OCA2: variants seen among roughly 807,000 people sequenced by gnomAD.
OCA2 encodes P protein.
A neutral mutation model predicts 100.2 loss-of-function variants in OCA2; 77 were observed. That is an observed-to-expected ratio of 0.77 (90% CI 0.64 to 0.93). OCA2 has a LOEUF of 0.93. Among genes scored for constraint, OCA2 ranks in the 40% least tolerant of loss-of-function variants. The pLI, the probability that OCA2 is intolerant of heterozygous loss-of-function variation, is 0.00. For missense variants in OCA2, 1,062 were observed against 1,089.1 expected, an observed-to-expected ratio of 0.98 and a Z score of 0.35; for synonymous variants, 432 against 439.2, an observed-to-expected ratio of 0.98 and a Z score of 0.21.
At chr15:28,020,165 C>T (rs955830345) in intron 6 of OCA2, among the ~76,000 whole-genome samples, 1 of 151,550 alleles carries the variant, frequency 6.6e-6, no homozygotes, top group Non-Finnish European at 1.5e-5. Flanking sequence ...GGCTGCCCTG[C>T]CCCCTGCTGG....
chr15:27,753,205 T>C (rs2030133127), downstream of OCA2, among the ~76,000 whole-genome samples: 1 of 151,798 alleles, frequency 6.6e-6, no homozygotes, highest in African/African-American at 2.4e-5. Context: ...AGTTTTGTTT[T>C]AGAGGGTAAC....
the OCA2 span, among the ~76,000 whole-genome samples, chr15:27,725,987 G>A: frequency 6.6e-6 from 1 of 151,690 alleles, no homozygotes; most frequent in South Asian, 2.1e-4. Flanking sequence ...TAAGATACTA[G>A]ATCATAACTA....
intron 23 of OCA2, among the ~76,000 whole-genome samples, chr15:27,811,596 G>A (rs1371927635): frequency 6.6e-6 from 1 of 152,056 alleles, no homozygotes; most frequent in African/African-American, 2.4e-5. Flanking sequence ...TTTTCAATTT[G>A]TAAGTCAATC....
chr15:27,910,463 C>T (rs1407792943), intron 19 of OCA2, among the ~76,000 whole-genome samples: 1 of 152,084 alleles, frequency 6.6e-6, no homozygotes, highest in East Asian at 1.9e-4. Flanking sequence ...TAAACGATGG[C>T]ACATTCACAA....
At chr15:27,894,624 T>C (rs2037609879) in intron 19 of OCA2, among the ~76,000 whole-genome samples, 1 of 152,140 alleles carries the variant, frequency 6.6e-6, no homozygotes, top group East Asian at 1.9e-4. Flanking sequence ...ATCTTAGTGA[T>C]TTGACTCTCC....
intron 23 of OCA2, among the ~76,000 whole-genome samples, chr15:27,796,816 A>G (rs1020358173): frequency 4.6e-5 from 7 of 152,208 alleles, no homozygotes; most frequent in Admixed American, 6.5e-5. Context: ...CCTGCCTCCC[A>G]TGCTCCCCCT....
At chr15:28,094,517 A>C (rs1566888358) in intron 1 of OCA2, among the ~76,000 whole-genome samples, 1 of 152,148 alleles carries the variant, frequency 6.6e-6, no homozygotes, top group Admixed American at 6.5e-5. Flanking sequence ...CTCACACCGA[A>C]GTCACCAAAT....
At chr15:27,911,288 TATA>T (rs2038386734) in intron 19 of OCA2, among the ~76,000 whole-genome samples, 1 of 151,744 alleles carries the variant, frequency 6.6e-6, no homozygotes, top group African/African-American at 2.4e-5. Flanking sequence ...GGTGTGGTGG[TATA>T]AGCCTGTAGT....
intron 2 of OCA2, among the ~76,000 whole-genome samples, chr15:28,057,336 C>G (rs541768410): frequency 6.6e-6 from 1 of 152,314 alleles, no homozygotes; most frequent in African/African-American, 2.4e-5. Context: ...TGGAAATCAA[C>G]TCTATGAAAC....
At chr15:27,814,937 T>TACAG (rs71464543) in intron 23 of OCA2, among the ~76,000 whole-genome samples, 1 of 118,020 alleles carries the variant, frequency 8.5e-6, no homozygotes, top group Admixed American at 8.1e-5. Flanking sequence ...GATAGATAGA[T>TACAG]AGATAGATAC....
At chr15:27,783,963 C>T (rs1752309996) in intron 23 of OCA2, among the ~76,000 whole-genome samples, 1 of 152,154 alleles carries the variant, frequency 6.6e-6, no homozygotes, top group South Asian at 2.1e-4. Flanking sequence ...GGCCTTAAAG[C>T]AGGGGAGGAG....
rs368859200 is a variant in OCA2 at position 28,034,730 on chromosome 15, T to C, written c.228-2567A>G. 4.5e-4 allele frequency among the ~76,000 whole-genome samples: 69 copies of C among 152,114 alleles called. No homozygotes were observed. The East Asian group carries it at 8.7e-3, about 19-fold the overall frequency. On this transcript the variant is annotated intron_variant, in intron 2 of 23. Transcript: ENST00000354638. ...AGGTCAAACCTTCAATGAGCTGAGGTTGTGCTACTGCACTCCAGCCTAGAC... is the reference window on the plus strand; with the variant it reads ...AGGTCAAACCTTCAATGAGCTGAGGCTGTGCTACTGCACTCCAGCCTAGAC...
At chr15:27,964,875 G>T (rs1178690258) in intron 15 of OCA2, among the ~76,000 whole-genome samples, 1 of 152,106 alleles carries the variant, frequency 6.6e-6, no homozygotes, top group African/African-American at 2.4e-5. Context: ...TGCATCACCA[G>T]GTGTGTCCAC....
chr15:27,965,390 T>C (rs879788170), intron 15 of OCA2, among the ~76,000 whole-genome samples: 4 of 152,222 alleles, frequency 2.6e-5, no homozygotes, highest in Non-Finnish European at 5.9e-5. Context: ...GATGAGTAGA[T>C]ATTCCCAAGA....
chr15:27,768,401 G>A (rs552433220), intron 23 of OCA2, among the ~76,000 whole-genome samples: 1 of 152,298 alleles, frequency 6.6e-6, no homozygotes, highest in Non-Finnish European at 1.5e-5. Flanking sequence ...ACACCCAGGG[G>A]CAACTGTTTA....
chr15:28,061,030 G>C (rs990347252), intron 2 of OCA2, among the ~76,000 whole-genome samples: 1 of 152,158 alleles, frequency 6.6e-6, no homozygotes, highest in Non-Finnish European at 1.5e-5. Flanking sequence ...ACAGCCACTG[G>C]GGCTAACAAG....
intron 2 of OCA2, among the ~76,000 whole-genome samples, chr15:28,077,551 A>C (rs775090936): frequency 8.5e-5 from 13 of 152,156 alleles, no homozygotes; most frequent in Non-Finnish European, 1.5e-4. Context: ...CCAGGGCTGG[A>C]CATACAGAGC....
Position 28,019,403 on chromosome 15 carries a change from G to C in OCA2, c.647-846C>G, listed in dbSNP as rs186914225. On this transcript the variant is annotated intron_variant, in intron 6 of 23. Coordinates refer to ENST00000354638, the MANE Select transcript of OCA2 (RefSeq NM_000275.3). ...GAGGTTTGCTGGCTTCTGTTCATTT[G>C]CCCAGTGCCCTGGGAGCCTGACAGG... Among the ~76,000 whole-genome samples, 411 of 152,172 alleles carry C rather than the reference G, an allele frequency of 2.7e-3. 1 individual carries two copies. The highest frequency in any genetic ancestry group is 4.3e-3 in the Non-Finnish European group (293 of 68,012).
At position 27,806,653 on chromosome 15, in the gene OCA2, G is replaced by C. The variant is rs544353645; in HGVS notation, c.2432+38306C>G. 2.6e-5 allele frequency among the ~76,000 whole-genome samples: 4 copies of C among 152,354 alleles called. No individual in the cohort carries two copies. The South Asian group carries it at 8.3e-4, about 32-fold the overall frequency. On this transcript the variant is annotated intron_variant, in intron 23 of 23. Transcript: ENST00000354638. Reference sequence around the variant, plus strand: ...TCGGCCTGTCCCTCCCGGCACTGATGAGTCTACCTGGCACACATGCTTAGC... The same window carrying C: ...TCGGCCTGTCCCTCCCGGCACTGATCAGTCTACCTGGCACACATGCTTAGC...
Sources: allele counts gnomAD v4.1 joint callset (sites outside exome capture counted in the v4.1 genomes callset), GRCh38; gene constraint gnomAD v4.1.1; transcripts MANE v1.5; gene names NCBI Gene and HGNC (gene_info 2026-07-23, HGNC 2026-07-21).